ADAMTS19: variants seen among roughly 807,000 people sequenced by gnomAD.
ADAMTS19 encodes ADAM metallopeptidase with thrombospondin type 1 motif 19, also known as A disintegrin and metalloproteinase with thrombospondin motifs 19.
In ADAMTS19, 93 loss-of-function variants were observed where a neutral mutation model predicts 153.3. That is an observed-to-expected ratio of 0.61 (90% CI 0.51 to 0.72). The LOEUF (loss-of-function observed/expected upper bound fraction) is 0.72, where lower values mean the gene tolerates loss of function less well. Ranked by LOEUF, ADAMTS19 falls within the 30% of genes least tolerant of loss-of-function variation. The pLI is 0.00. For missense variants in ADAMTS19, 1,482 were observed against 1,552.1 expected (o/e 0.95, Z 0.76); for synonymous variants, 600 against 556.6 (o/e 1.08, Z -1.10).
intron 8 of ADAMTS19, among the ~76,000 whole-genome samples, chr5:129,608,110 G>GTATATATATATA (rs1368112273): frequency 2.5e-4 from 9 of 36,252 alleles, no homozygotes; most frequent in African/African-American, 4.3e-4. Context: ...GTGTGTGTGT[G>GTATATATATATA]TGTGTGTATA....
At chr5:129,637,804 T>C (rs748153953) in intron 10 of ADAMTS19, among the ~76,000 whole-genome samples, 40 of 152,088 alleles carry the variant, frequency 2.6e-4, no homozygotes, top group Non-Finnish European at 4.9e-4. Flanking sequence ...AAGATGATTG[T>C]GCTACTGCAC....
intron 13 of ADAMTS19, among the ~76,000 whole-genome samples, chr5:129,652,623 A>G (rs1753367237): frequency 6.6e-6 from 1 of 152,218 alleles, no homozygotes; most frequent in South Asian, 2.1e-4. Flanking sequence ...GAGTGGTATC[A>G]AATGTTTATG....
chr5:129,679,140 A>G (rs17163141), intron 16 of ADAMTS19, among the ~76,000 whole-genome samples: 5,480 of 152,276 alleles, frequency 0.036, 306 homozygotes, highest in African/African-American at 0.13. Context: ...GTAAAATCCT[A>G]TATAGATGAT....
In ADAMTS19 at chr5:129,645,885, A is replaced by ATTTTTTTTTTTTTTT. The variant is rs529444004; in HGVS notation, c.1873-1873_1873-1859dup. ...CACATGGTTTCTTTCTCCTTTTCCA[A>ATTTTTTTTTTTTTTT]TTTTTTTTTTTTTTTTTTTTTGAGA... On this transcript the variant is annotated intron_variant, in intron 11 of 22. Transcript: ENST00000274487. 2.9e-4 allele frequency among the ~76,000 whole-genome samples: 28 copies of ATTTTTTTTTTTTTTT among 97,098 alleles called. 3 individuals are homozygous for ATTTTTTTTTTTTTTT. Among genetic ancestry groups the ATTTTTTTTTTTTTTT allele is most frequent in the African/African-American group, 1.0e-3 (23 of 22,508 alleles). 63.7% of individuals were successfully genotyped at this position (97,098 alleles called of 152,430 possible).
At position 129,665,600 on chromosome 5, in the gene ADAMTS19, A is replaced by G. The variant is rs759556186; in HGVS notation, c.2506+21A>G. The G allele has an allele frequency of 8.8e-6, 14 of 1,584,364 alleles. No individual in the cohort carries two copies. In the East Asian group the frequency reaches 2.9e-4, roughly 33 times the overall value. On this transcript the variant is annotated intron_variant, in intron 16 of 22. Coordinates refer to ENST00000274487, the MANE Select transcript of ADAMTS19 (RefSeq NM_133638.6). ...TTTAGGTAACCTGTGTTACAGACAC[A>G]GAGAAGATCCAAGTACGAGCCCAAC...
chr5:129,605,281 CCCA>C (rs1221376585), intron 8 of ADAMTS19, among the ~76,000 whole-genome samples: 2 of 151,732 alleles, frequency 1.3e-5, no homozygotes, highest in Non-Finnish European at 2.9e-5. Context: ...CACACCACAG[CCCA>C]CCAAGTTCTA....
intron 5 of ADAMTS19, among the ~76,000 whole-genome samples, chr5:129,528,058 C>G (rs1752078275): frequency 6.6e-6 from 1 of 151,774 alleles, no homozygotes; most frequent in South Asian, 2.1e-4. Flanking sequence ...CTTAACTTTC[C>G]AAAGTATAAT....
chr5:129,487,104 A>C (rs942862663), intron 2 of ADAMTS19, among the ~76,000 whole-genome samples: 1 of 152,236 alleles, frequency 6.6e-6, no homozygotes, highest in Non-Finnish European at 1.5e-5. Flanking sequence ...CAATTAGGGT[A>C]AAGTTAGAGG....
Position 129,647,885 on chromosome 5 carries a change from A to C in ADAMTS19, c.1993A>C (p.Lys665Gln). The change falls in exon 12 of 23, where the codon AAA becomes CAA. Residue 665 changes from lysine (K) to glutamine (Q), a missense_variant. By Grantham distance (53) the Lys-to-Gln change is moderately conservative. This residue lies in a region of ADAMTS19 where 616 missense variants were observed against 724.4 expected (regional missense o/e 0.85). Coordinates refer to ENST00000274487, the MANE Select transcript of ADAMTS19 (RefSeq NM_133638.6). ...CSAGISSRER[K>Q]CPGLDSEARD... The stretch of plus-strand genomic sequence containing the variant: ...TGCTGGGATCAGCAGTCGAGAGCGC[A>C]AATGTCCTGGGTAAACTCAAAGTTC... The C allele has an allele frequency of 6.2e-7, 1 of 1,612,852 alleles. No individual in the cohort carries two copies.
At chr5:129,710,151 G>A (rs1386607765) in intron 21 of ADAMTS19, among the ~76,000 whole-genome samples, 2 of 152,030 alleles carry the variant, frequency 1.3e-5, no homozygotes, top group Non-Finnish European at 2.9e-5. Context: ...AAGCCCTAGT[G>A]TGTGTTGTTC....
intron 7 of ADAMTS19, among the ~76,000 whole-genome samples, chr5:129,557,515 G>T (rs938239045): frequency 6.6e-6 from 1 of 152,036 alleles, no homozygotes; most frequent in Non-Finnish European, 1.5e-5. Context: ...CAGGATGATC[G>T]CTTGAACCCA....
At chr5:129,607,377 T>C (rs1459684650) in intron 8 of ADAMTS19, among the ~76,000 whole-genome samples, 1 of 152,264 alleles carries the variant, frequency 6.6e-6, no homozygotes, top group Non-Finnish European at 1.5e-5. Context: ...AATACATTTT[T>C]TTCACAGCAC....
chr5:129,523,229 T>C (rs1166513302), intron 3 of ADAMTS19, among the ~76,000 whole-genome samples: 1 of 152,084 alleles, frequency 6.6e-6, no homozygotes, highest in African/African-American at 2.4e-5. Flanking sequence ...ACTCAAGGAA[T>C]TTATCAGAAA....
At chr5:129,584,814 T>A (rs963726915) in intron 7 of ADAMTS19, among the ~76,000 whole-genome samples, 2 of 152,202 alleles carry the variant, frequency 1.3e-5, no homozygotes, top group African/African-American at 4.8e-5. Context: ...TTCAAGCCAG[T>A]GGATCTTAGC....
At chr5:129,532,988 G>A (rs188036908) in intron 6 of ADAMTS19, among the ~76,000 whole-genome samples, 61 of 152,112 alleles carry the variant, frequency 4.0e-4, no homozygotes, top group African/African-American at 1.4e-3. Context: ...CTGTAATCCC[G>A]GCTACTCGGG....
At chr5:129,628,133 G>A (rs1752136252) in intron 10 of ADAMTS19, among the ~76,000 whole-genome samples, 1 of 152,010 alleles carries the variant, frequency 6.6e-6, no homozygotes, top group Non-Finnish European at 1.5e-5. Flanking sequence ...AAAAAAGAAT[G>A]AGACCGTGTC....
rs1282321623 is a variant in ADAMTS19 at position 129,462,612 on chromosome 5, T to G, written c.747+855T>G. Among the ~76,000 whole-genome samples the G allele has an allele frequency of 7.3e-3, 1,070 of 145,624 alleles. 4 individuals carry two copies. The highest frequency in any genetic ancestry group is 9.4e-3 in the Non-Finnish European group (630 of 66,690). ...ATAAGTTGACCTTTGTGTGTGTGTG[T>G]GTGTGGGGGGGTCAAATATGCATAA... On this transcript the variant is annotated intron_variant, in intron 2 of 22. Transcript: ENST00000274487.
chr5:129,657,641 TA>T (rs1753602359), intron 14 of ADAMTS19, among the ~76,000 whole-genome samples: 1 of 152,200 alleles, frequency 6.6e-6, no homozygotes, highest in East Asian at 1.9e-4. Flanking sequence ...CATATTTTCT[TA>T]AAGCAGCCAT....
chr5:129,616,765 C>T (rs915247833), intron 8 of ADAMTS19, among the ~76,000 whole-genome samples: 1 of 152,034 alleles, frequency 6.6e-6, no homozygotes. Context: ...TGATGTCTTA[C>T]TTAGAGAATG....
Sources: allele counts gnomAD v4.1 joint callset (sites outside exome capture counted in the v4.1 genomes callset), GRCh38; gene constraint gnomAD v4.1.1; regional missense constraint gnomAD v4.1.1; transcripts MANE v1.5; gene names NCBI Gene and HGNC (gene_info 2026-07-23, HGNC 2026-07-21).